Variants in CSMD3 observed in about 807,000 individuals in gnomAD.
CSMD3 encodes the protein CUB and sushi domain-containing protein 3.
CSMD3 carries 177 observed loss-of-function variants against 435.2 expected under a neutral mutation model. That is an observed-to-expected ratio of 0.41 (90% CI 0.36 to 0.46). The LOEUF (loss-of-function observed/expected upper bound fraction) is 0.46, where lower values mean the gene tolerates loss of function less well. Ranked by LOEUF, CSMD3 falls within the 20% of genes least tolerant of loss-of-function variation. The pLI is 0.34. For synonymous variants in CSMD3, 1,656 were observed against 1,520.5 expected, an observed-to-expected ratio of 1.09 and a Z score of -2.07; for missense variants, 4,265 against 4,504.6, an observed-to-expected ratio of 0.95 and a Z score of 1.52.
At chr8:113,405,185 G>T (rs965195443) in intron 1 of CSMD3, among the ~76,000 whole-genome samples, 1 of 151,658 alleles carries the variant, frequency 6.6e-6, no homozygotes, top group Middle Eastern at 3.4e-3. Context: ...CTGATTGCTA[G>T]AAAAATAGTT....
At chr8:112,337,425 C>T in intron 43 of CSMD3, 118 bp downstream of exon 43, 2 of 800,274 alleles carry the variant, frequency 2.5e-6, no homozygotes, top group South Asian at 2.9e-5. Context: ...AAAATATCTT[C>T]AGCTGAGAGA....
chr8:112,227,374 T>G (rs1812670166), intron 70 of CSMD3, among the ~76,000 whole-genome samples: 1 of 152,180 alleles, frequency 6.6e-6, no homozygotes, highest in Non-Finnish European at 1.5e-5. Flanking sequence ...GCAAACAGAT[T>G]TGCAGTTACC....
chr8:112,508,997 A>T (rs1822821132), intron 28 of CSMD3, among the ~76,000 whole-genome samples: 1 of 152,144 alleles, frequency 6.6e-6, no homozygotes, highest in Non-Finnish European at 1.5e-5. Context: ...GACAAAAATT[A>T]TCGTAAGGTT....
At chr8:113,405,172 A>G (rs2094527119) in intron 1 of CSMD3, among the ~76,000 whole-genome samples, 2 of 151,714 alleles carry the variant, frequency 1.3e-5, no homozygotes, top group East Asian at 1.9e-4. Flanking sequence ...TCATATATGT[A>G]TCCTGATTGC....
At chr8:112,884,848 T>A (rs989707336) in intron 10 of CSMD3, among the ~76,000 whole-genome samples, 1 of 151,796 alleles carries the variant, frequency 6.6e-6, no homozygotes, top group Non-Finnish European at 1.5e-5. Flanking sequence ...ATGATTGTTT[T>A]TACACTCAAG....
chr8:113,284,837 T>C (rs1217504669), intron 2 of CSMD3, among the ~76,000 whole-genome samples: 1 of 152,224 alleles, frequency 6.6e-6, no homozygotes, highest in Non-Finnish European at 1.5e-5. Context: ...TGATGCACGA[T>C]GAAATTGCAT....
At chr8:112,429,228 T>C (rs1353149666) in intron 32 of CSMD3, among the ~76,000 whole-genome samples, 1 of 152,074 alleles carries the variant, frequency 6.6e-6, no homozygotes, top group Non-Finnish European at 1.5e-5. Flanking sequence ...CTGTTAACCA[T>C]CATTCTACTC....
intron 3 of CSMD3, among the ~76,000 whole-genome samples, chr8:113,193,248 T>C (rs2092610374): frequency 6.6e-6 from 1 of 151,230 alleles, no homozygotes; most frequent in South Asian, 2.1e-4. Context: ...TTTTACCACA[T>C]TCAGAGACAA....
At chr8:113,298,052 G>A (rs1347040730) in intron 2 of CSMD3, among the ~76,000 whole-genome samples, 2 of 152,064 alleles carry the variant, frequency 1.3e-5, no homozygotes, top group Non-Finnish European at 2.9e-5. Context: ...TATTAGCTGT[G>A]TGAACTTGCA....
chr8:112,703,208 C>A (rs546087587), intron 13 of CSMD3, among the ~76,000 whole-genome samples: 113 of 152,160 alleles, frequency 7.4e-4, no homozygotes, highest in African/African-American at 2.7e-3. Flanking sequence ...AGGATCCATC[C>A]CCAGGGTCAG....
At chr8:112,564,093 T>C (rs1563708660) in intron 24 of CSMD3, among the ~76,000 whole-genome samples, 2 of 152,052 alleles carry the variant, frequency 1.3e-5, no homozygotes, top group African/African-American at 4.8e-5. Context: ...TCTGCTGAAC[T>C]TCCCTCTACT....
rs2075736762 is a variant in CSMD3, at chr8:112,674,816, T to C, written c.2677+7626A>G. On this transcript the variant is annotated intron_variant, in intron 16 of 70. Transcript: ENST00000297405. ...TAAGAGGGATTCTTATGCAGCCCTT[T>C]CCCTCAATTTGGCTTGAAGATAAGG... 2.0e-5 allele frequency among the ~76,000 whole-genome samples: 3 copies of C among 152,230 alleles called. No homozygotes were observed. In the South Asian group the frequency reaches 6.2e-4, roughly 32 times the overall value.
At chr8:112,639,773 G>A (rs1200664022) in intron 20 of CSMD3, among the ~76,000 whole-genome samples, 1 of 152,050 alleles carries the variant, frequency 6.6e-6, no homozygotes, top group East Asian at 1.9e-4. Flanking sequence ...TTCATTTTTG[G>A]TGATGTATAG....
intron 1 of CSMD3, among the ~76,000 whole-genome samples, chr8:113,396,961 C>T (rs886160720): frequency 6.6e-6 from 1 of 152,014 alleles, no homozygotes; most frequent in African/African-American, 2.4e-5. Flanking sequence ...GTACCTGACA[C>T]ATAAAAGGTA....
intron 5 of CSMD3, among the ~76,000 whole-genome samples, chr8:113,049,952 A>G (rs1299879115): frequency 6.6e-6 from 1 of 152,138 alleles, no homozygotes; most frequent in African/African-American, 2.4e-5. Context: ...ACATCTCATC[A>G]TTTTACAAAA....
intron 3 of CSMD3, among the ~76,000 whole-genome samples, chr8:113,217,890 A>C (rs2092923622): frequency 6.6e-6 from 1 of 151,342 alleles, no homozygotes; most frequent in African/African-American, 2.4e-5. Flanking sequence ...GATGAAAAAA[A>C]CACCCATAGG....
intron 31 of CSMD3, among the ~76,000 whole-genome samples, chr8:112,482,337 A>G (rs1437301706): frequency 2.0e-5 from 3 of 152,364 alleles, no homozygotes; most frequent in Non-Finnish European, 4.4e-5. Context: ...CAGTTAATGT[A>G]TGATACTATG....
intron 10 of CSMD3, among the ~76,000 whole-genome samples, chr8:112,875,743 T>A (rs2081264359): frequency 6.6e-6 from 1 of 152,180 alleles, no homozygotes; most frequent in Admixed American, 6.5e-5. Context: ...CATGAATTTC[T>A]CATGCTGTGT....
intron 3 of CSMD3, among the ~76,000 whole-genome samples, chr8:113,206,171 G>C (rs79141689): frequency 0.02 from 3,089 of 152,000 alleles, 102 homozygotes; most frequent in African/African-American, 0.071. Context: ...CCCCAAGAAC[G>C]AGACTACAAA....
Sources: allele counts gnomAD v4.1 joint callset (sites outside exome capture counted in the v4.1 genomes callset), GRCh38; gene constraint gnomAD v4.1.1; transcripts MANE v1.5; gene names NCBI Gene and HGNC (gene_info 2026-07-23, HGNC 2026-07-21).